Variants in PON2 observed in about 807,000 individuals in gnomAD.
The protein encoded by PON2 is paraoxonase 2, also known as serum paraoxonase/arylesterase 2.
A neutral mutation model predicts 36.6 loss-of-function variants in PON2; 27 were observed. That is an observed-to-expected ratio of 0.74 (90% confidence interval 0.54 to 1.02). The LOEUF is 1.02. Among genes scored for constraint, PON2 ranks in the 50% least tolerant of loss-of-function variants. The pLI, the probability that PON2 is intolerant of heterozygous loss-of-function variation, is 0.00. For missense variants in PON2, 363 were observed against 421.1 expected, an observed-to-expected ratio of 0.86 and a Z score of 1.21; for synonymous variants, 149 against 156.3, an observed-to-expected ratio of 0.95 and a Z score of 0.35.
intron 8 of PON2, 105 bp downstream of exon 8, chr7:95,406,014 T>A: frequency 7.6e-7 from 1 of 1,324,464 alleles, no homozygotes; most frequent in Admixed American, 1.9e-5. Flanking sequence ...CTTATTATAT[T>A]ATTGCTTTAA....
intron 2 of PON2, among the ~76,000 whole-genome samples, chr7:95,416,848 G>GA (rs1789074724): frequency 1.3e-5 from 2 of 152,098 alleles, no homozygotes; most frequent in African/African-American, 2.4e-5. Context: ...TTAAATTAGA[G>GA]AAAAAAACTA....
chr7:95,425,768 T>C (rs1182423902), intron 1 of PON2, among the ~76,000 whole-genome samples: 1 of 152,144 alleles, frequency 6.6e-6, no homozygotes, highest in Non-Finnish European at 1.5e-5. Flanking sequence ...AAGTTTCTAA[T>C]TAAAATGTTA....
At chr7:95,408,540 T>TA (rs1324813612) in intron 6 of PON2, among the ~76,000 whole-genome samples, 12 of 152,282 alleles carry the variant, frequency 7.9e-5, no homozygotes, top group African/African-American at 2.9e-4. Context: ...AATGGAAATA[T>TA]AAGAGTGAAA....
intron 2 of PON2, 143 bp downstream of exon 2, chr7:95,424,372 G>T (rs1789264849): frequency 4.3e-6 from 3 of 701,410 alleles, no homozygotes; most frequent in South Asian, 3.2e-5. Context: ...CAGATCAAGA[G>T]GTTGACCAAA....
intron 2 of PON2, among the ~76,000 whole-genome samples, chr7:95,423,348 T>C (rs973545185): frequency 6.7e-5 from 10 of 148,214 alleles, no homozygotes; most frequent in Admixed American, 1.3e-4. Flanking sequence ...AAAATTAAAA[T>C]TTAAAAAAAA....
chr7:95,406,852 G>T, intron 7 of PON2, 135 bp downstream of exon 7: 1 of 603,466 alleles, frequency 1.7e-6, no homozygotes, highest in Non-Finnish European at 2.9e-6. Flanking sequence ...TTCTCTAGTT[G>T]TAGGGAGTAT....
At chr7:95,427,663 C>T (rs1789346989) in intron 1 of PON2, among the ~76,000 whole-genome samples, 1 of 152,114 alleles carries the variant, frequency 6.6e-6, no homozygotes, top group Non-Finnish European at 1.5e-5. Context: ...ATCACTGGCT[C>T]AATGAACAAG....
chr7:95,430,695 G>A (rs1260592315), intron 1 of PON2, among the ~76,000 whole-genome samples: 3 of 151,826 alleles, frequency 2.0e-5, no homozygotes, highest in Admixed American at 1.3e-4. Flanking sequence ...AGGTGTTCTG[G>A]GTTACAATGA....
chr7:95,405,664 A>G (rs1809664866), intron 8 of PON2, among the ~76,000 whole-genome samples, 176 bp from the exon 9 acceptor site: 1 of 152,234 alleles, frequency 6.6e-6, no homozygotes, highest in Non-Finnish European at 1.5e-5. Context: ...CTTCAAAGAA[A>G]GTACTTTCTT....
intron 6 of PON2, 40 bp from the exon 7 acceptor site, chr7:95,407,108 T>C (rs1178314324): frequency 3.1e-6 from 4 of 1,292,168 alleles, no homozygotes; most frequent in East Asian, 4.7e-5. Flanking sequence ...TCCATGCCAA[T>C]ATAAAGCTTC....
intron 8 of PON2, 31 bp from the exon 9 acceptor site, chr7:95,405,519 G>A: frequency 6.3e-7 from 1 of 1,591,014 alleles, no homozygotes; most frequent in Non-Finnish European, 8.6e-7. Flanking sequence ...ATGAATATAA[G>A]ACCACCGTAC....
At chr7:95,416,973 C>T (rs990018169) in intron 2 of PON2, among the ~76,000 whole-genome samples, 1 of 152,224 alleles carries the variant, frequency 6.6e-6, no homozygotes, top group Non-Finnish European at 1.5e-5. Context: ...CTGCAGTACA[C>T]TCCACACAGC....
rs17876123 is a variant in PON2 at position 95,415,995 on chromosome 7, C to A, written c.201+247G>T. 0.25 allele frequency: 162,185 copies of A among 637,224 alleles called. 22,216 individuals carry two copies. The highest frequency in any genetic ancestry group is 0.36 in the South Asian group (15,799 of 43,830). 39.5% of individuals were successfully genotyped at this position (637,224 alleles called of 1,614,324 possible). ...AAAAAAGAAAAAACAAAACAAAACACAGATTGCATTGGAATATTTTAGTGC... is the reference window on the plus strand; with the variant it reads ...AAAAAAGAAAAAACAAAACAAAACAAAGATTGCATTGGAATATTTTAGTGC... On this transcript the variant is annotated intron_variant, in intron 3 of 8. Coordinates refer to ENST00000222572, the MANE Select transcript of PON2 (RefSeq NM_000305.3).
At chr7:95,417,135 C>A (rs570216212) in intron 2 of PON2, among the ~76,000 whole-genome samples, 2 of 152,312 alleles carry the variant, frequency 1.3e-5, no homozygotes, top group South Asian at 4.1e-4. Flanking sequence ...AAAATCCAAT[C>A]TTCCTCTTTA....
chr7:95,428,529 T>C (rs1307508842), intron 1 of PON2, among the ~76,000 whole-genome samples: 1 of 152,232 alleles, frequency 6.6e-6, no homozygotes, highest in Non-Finnish European at 1.5e-5. Context: ...AAATTATAGA[T>C]ACTTTTCTAT....
intron 1 of PON2, among the ~76,000 whole-genome samples, chr7:95,425,455 C>CTA (rs1472481729): frequency 2.0e-5 from 3 of 152,206 alleles, no homozygotes; most frequent in Non-Finnish European, 4.4e-5. Context: ...AGGCCACATA[C>CTA]TATTGGCTTT....
chr7:95,411,216 G>A (rs914353400), intron 5 of PON2, among the ~76,000 whole-genome samples: 2 of 152,052 alleles, frequency 1.3e-5, no homozygotes, highest in East Asian at 1.9e-4. Context: ...CTATGAAAGC[G>A]ATTGGTATAA....
intron 5 of PON2, 132 bp from the exon 6 acceptor site, chr7:95,410,233 C>G: frequency 2.7e-6 from 2 of 753,186 alleles, no homozygotes; most frequent in Non-Finnish European, 4.5e-6. Flanking sequence ...AGCTAAAAAT[C>G]ACGACTATAG....
rs1355619055 is a variant in PON2 at position 95,406,166 on chromosome 7, CATTAGG to C, written c.853_858del (p.Pro285_Asn286del). ...GGGTCATACACGAAGAGCTTCTGGC[CATTAGG>C]ATGACAGCCTACCCAGATGTCCCCC... On this transcript the variant is annotated inframe_deletion, in exon 8 of 9. Coordinates refer to ENST00000222572, the MANE Select transcript of PON2 (RefSeq NM_000305.3). The C allele has an allele frequency of 6.2e-7, 1 of 1,613,704 alleles. No individual in the cohort carries two copies. Among genetic ancestry groups the C allele is most frequent in the Admixed American group, 1.7e-5 (1 of 60,004 alleles).
Sources: gnomAD v4.1 joint callset for allele counts (sites outside exome capture counted in the v4.1 genomes callset) on GRCh38, gnomAD v4.1.1 for gene constraint, MANE v1.5 for transcripts, NCBI Gene and HGNC (gene_info 2026-07-23, HGNC 2026-07-21) for gene names.